The following PIM1 variants were observed in gnomAD, a reference collection of about 807,000 sequenced individuals.
The protein encoded by PIM1 is Pim-1 proto-oncogene, serine/threonine kinase.
In PIM1, 9 loss-of-function variants were observed where a neutral mutation model predicts 34.5. That is an observed-to-expected ratio of 0.26 (90% confidence interval 0.16 to 0.46). The LOEUF is 0.46. Among genes scored for constraint, PIM1 ranks in the 20% least tolerant of loss-of-function variants. The probability of loss-of-function intolerance (pLI) is 1.00; values close to 1 mark genes in which losing one functional copy is unlikely to be tolerated. For synonymous variants in PIM1, 199 were observed against 175.2 expected (o/e 1.14, Z -1.07); for missense variants, 274 against 410.9 (o/e 0.67, Z 2.88).
chr6:37,172,822 G>A, intron 4 of PIM1, 174 bp from the exon 5 acceptor site: 3 of 702,478 alleles, frequency 4.3e-6, no homozygotes, highest in Non-Finnish European at 7.8e-6. Context: ...TTGGAGAGAT[G>A]CCGTAAGGTG....
At chr6:37,171,610 A>T (rs1762287834) in intron 4 of PIM1, 119 bp downstream of exon 4, 1 of 1,278,774 alleles carries the variant, frequency 7.8e-7, no homozygotes, top group Admixed American at 2.8e-5. Context: ...GCCTGGCTCG[A>T]TGCTAGCCGG....
chr6:37,174,014 T>C lies in PIM1; in HGVS notation c.865T>C (p.Trp289Arg). ...CTTCGAAGAAATCCAGAACCATCCA[T>C]GGATGCAAGATGTTCTCCTGCCCCA... The part of the protein sequence containing the change: ...PTFEEIQNHP[W>R]MQDVLLPQET... Residue 289 changes from tryptophan to arginine, a missense_variant, in exon 6 of 6, where the codon TGG becomes CGG. Trp to Arg is a moderately radical substitution (Grantham distance 101). This residue lies in a region of PIM1 where 168 missense variants were observed against 299.4 expected (regional missense o/e 0.56). Coordinates refer to ENST00000373509, the MANE Select transcript of PIM1 (RefSeq NM_002648.4). 1 of 1,614,104 alleles carries C rather than the reference T, an allele frequency of 6.2e-7. No individual in the cohort carries two copies. Among genetic ancestry groups the C allele is most frequent in the Non-Finnish European group, 8.5e-7 (1 of 1,179,982 alleles).
intron 4 of PIM1, 83 bp from the exon 5 acceptor site, chr6:37,172,909 AAAAG>A (rs1227360217): frequency 9.4e-6 from 10 of 1,064,860 alleles, no homozygotes; most frequent in East Asian, 2.5e-5. Flanking sequence ...TTTTTTTTTT[AAAAG>A]AAAGAGTTAT....
In PIM1 at chr6:37,170,285, G is replaced by C; in HGVS notation, c.-291G>C. 7.2e-7 allele frequency: 1 copy of C among 1,391,604 alleles called. No homozygotes were observed. The highest frequency in any genetic ancestry group is 9.3e-7 in the Non-Finnish European group (1 of 1,074,100). The allele number at this position is 1,391,604 out of a possible 1,614,324, so 86.2% of individuals were successfully genotyped here. On this transcript the variant is annotated 5_prime_UTR_variant, in exon 1 of 6. Coordinates refer to ENST00000373509, the MANE Select transcript of PIM1 (RefSeq NM_002648.4). ...GCAGCAGCAGCAGCAGCAACCACTA[G>C]CCTCCTGCCCCGCGGCGCTGCCGCA...
At chr6:37,173,910 C>T (rs1762353432) in intron 5 of PIM1, 24 bp from the exon 6 acceptor site, 1 of 1,597,050 alleles carries the variant, frequency 6.3e-7, no homozygotes, top group South Asian at 1.1e-5. Context: ...TCATTCATAA[C>T]CTCGTCTATC....
At position 37,170,668 on chromosome 6, in the gene PIM1, C is replaced by A. The variant is rs199540029; in HGVS notation, c.82+11C>A. ...CCAAGCTGGCGCCCGGTGAGAGCAC[C>A]CCCCGCCTCCGGCCCGGGGATGCGG... On this transcript the variant is annotated intron_variant, in intron 1 of 5. Transcript: ENST00000373509. 3.1e-6 allele frequency: 5 copies of A among 1,609,278 alleles called. No homozygotes were observed. The highest frequency in any genetic ancestry group is 2.2e-5 in the East Asian group (1 of 44,684).
chr6:37,171,236 C>G lies in PIM1; in HGVS notation c.352C>G (p.Leu118Val). 1 of 1,614,088 alleles carries G rather than the reference C, an allele frequency of 6.2e-7. No individual in the cohort carries two copies. Among genetic ancestry groups the G allele is most frequent in the Non-Finnish European group, 8.5e-7 (1 of 1,180,042 alleles). ...DWFERPDSFV[L>V]ILERPEPVQD... Reference sequence around the variant, plus strand: ...GTTCGAGAGGCCCGACAGTTTCGTCCTGATCCTGGAGAGGCCCGAGCCGGT... The same window carrying G: ...GTTCGAGAGGCCCGACAGTTTCGTCGTGATCCTGGAGAGGCCCGAGCCGGT... Residue 118 changes from leucine to valine, a missense_variant, in exon 4 of 6, where the codon CTG becomes GTG. Transcript: ENST00000373509.
At position 37,171,160 on chromosome 6, in the gene PIM1, G is replaced by T. The variant is rs768533869; in HGVS notation, c.276G>T (p.Leu92=). 6.2e-7 allele frequency: 1 copy of T among 1,613,938 alleles called. No individual in the cohort carries two copies. Among genetic ancestry groups the T allele is most frequent in the African/African-American group, 1.3e-5 (1 of 74,948 alleles). The change falls in exon 4 of 6, where the codon CTG becomes CTT. Residue 92 remains leucine, a synonymous_variant. Transcript: ENST00000373509. ...CTCGAGTGCCCATGGAAGTGGTCCT[G>T]CTGAAGAAGGTGAGCTCGGGTTTCT... The part of the protein sequence containing the change: ...NGTRVPMEVV[L]LKKVSSGFSG...
In PIM1 at chr6:37,170,511, C is replaced by T. The variant is rs765334539; in HGVS notation, c.-65C>T. On this transcript the variant is annotated 5_prime_UTR_variant, in exon 1 of 6. Transcript: ENST00000373509. ...CCCAGGCATAGCCTTCGGCACAGCCCCGGCTCCGGCTCCTGCGGCAGCTCC... is the reference window on the plus strand; with the variant it reads ...CCCAGGCATAGCCTTCGGCACAGCCTCGGCTCCGGCTCCTGCGGCAGCTCC... 3.1e-6 allele frequency: 5 copies of T among 1,604,412 alleles called. No homozygotes were observed. The African/African-American group carries it at 6.7e-5, about 21-fold the overall frequency.
rs1353793659 is a variant in PIM1 at position 37,175,117 on chromosome 6, CTGTT to C, written c.*1030_*1033del. 4.3e-6 allele frequency: 1 copy of C among 233,456 alleles called. No homozygotes were observed. Among genetic ancestry groups the C allele is most frequent in the East Asian group, 6.0e-5 (1 of 16,604 alleles). The allele number at this position is 233,456 out of a possible 1,614,324, so 14.5% of individuals were successfully genotyped here. The stretch of plus-strand genomic sequence containing the variant: ...TTGGGGGAGGGCTGCGACGCTTGCT[CTGTT>C]TGTGGGGTGACGGGACTCAGGCGGG... On this transcript the variant is annotated 3_prime_UTR_variant, in exon 6 of 6. Transcript: ENST00000373509.
Position 37,175,029 on chromosome 6 carries a change from C to T in PIM1, c.*938C>T, listed in dbSNP as rs144025611. ...TATTTATTTGGTTCCCTTCCTATTC[C>T]AAGCTTCCATAGCTGCTGCCCTAGT... is the stretch of plus-strand genomic sequence containing the variant. On this transcript the variant is annotated 3_prime_UTR_variant, in exon 6 of 6. Coordinates refer to ENST00000373509, the MANE Select transcript of PIM1 (RefSeq NM_002648.4). 96 of 233,512 alleles carry T rather than the reference C, an allele frequency of 4.1e-4. No individual in the cohort carries two copies. Among genetic ancestry groups the T allele is most frequent in the African/African-American group, 2.1e-3 (94 of 45,424 alleles). The allele number at this position is 233,512 out of a possible 1,614,324, so 14.5% of individuals were successfully genotyped here.
rs762249073 is a variant in PIM1 at position 37,171,363 on chromosome 6, A to G, written c.479A>G (p.Asn160Ser). 3.7e-6 allele frequency: 6 copies of G among 1,614,008 alleles called. No individual in the cohort carries two copies. In the Admixed American group the frequency reaches 8.3e-5, roughly 22 times the overall value. The part of the protein sequence containing the change: ...QVLEAVRHCH[N>S]CGVLHRDIKD... Reference sequence around the variant, plus strand: ...CTGGAGGCCGTGCGGCACTGCCACAACTGCGGGGTGCTCCACCGCGACATC... The same window carrying G: ...CTGGAGGCCGTGCGGCACTGCCACAGCTGCGGGGTGCTCCACCGCGACATC... Residue 160 changes from asparagine to serine, a missense_variant, in exon 4 of 6, where the codon AAC (asparagine) becomes AGC (serine). By Grantham distance (46) the Asn-to-Ser change is conservative (BLOSUM62 1). Coordinates refer to ENST00000373509, the MANE Select transcript of PIM1 (RefSeq NM_002648.4).
At chr6:37,172,797 G>T in intron 4 of PIM1, 199 bp from the exon 5 acceptor site, 1 of 688,150 alleles carries the variant, frequency 1.5e-6, no homozygotes, top group Non-Finnish European at 2.7e-6. Context: ...GCAGAGAGGT[G>T]GGTAATGCTT....
Position 37,170,305 on chromosome 6 carries a change from G to A in PIM1, c.-271G>A. On this transcript the variant is annotated 5_prime_UTR_variant, in exon 1 of 6. Coordinates refer to ENST00000373509, the MANE Select transcript of PIM1 (RefSeq NM_002648.4). ...CACTAGCCTCCTGCCCCGCGGCGCTGCCGCACGAGCCCCACGAGCCGCTCA... is the reference window on the plus strand; with the variant it reads ...CACTAGCCTCCTGCCCCGCGGCGCTACCGCACGAGCCCCACGAGCCGCTCA... 6.9e-7 allele frequency: 1 copy of A among 1,440,376 alleles called. No homozygotes were observed. The highest frequency in any genetic ancestry group is 9.1e-7 in the Non-Finnish European group (1 of 1,102,090). The allele number at this position is 1,440,376 out of a possible 1,614,324, so 89.2% of individuals were successfully genotyped here.
rs770666508 is a variant in PIM1 at position 37,170,885 on chromosome 6, TGGGCGCCCCGCGGTGGGGA to T, written c.189+13_189+31del. ...GCGTCTCCGACAACTTGCCGGTGAG[TGGGCGCCCCGCGGTGGGGA>T]GGGCGCGCCGGGCGGGGGGCGCACG... On this transcript the variant is annotated splice_region_variant and intron_variant, in intron 2 of 5. Coordinates refer to ENST00000373509, the MANE Select transcript of PIM1 (RefSeq NM_002648.4). 8 of 1,611,946 alleles carry T rather than the reference TGGGCGCCCCGCGGTGGGGA, an allele frequency of 5.0e-6. No homozygotes were observed. The highest frequency in any genetic ancestry group is 5.9e-6 in the Non-Finnish European group (7 of 1,179,040).
chr6:37,173,882 G>A, intron 5 of PIM1, 52 bp from the exon 6 acceptor site: 1 of 1,549,712 alleles, frequency 6.5e-7, no homozygotes, highest in Non-Finnish European at 8.8e-7. Flanking sequence ...GACCTTTGCA[G>A]TGTAAAAACA....
rs1306974599 is a variant in PIM1 at position 37,174,052 on chromosome 6, G to C, written c.903G>C (p.Glu301Asp). The C allele has an allele frequency of 1.4e-5, 23 of 1,613,934 alleles. No homozygotes were observed. The highest frequency in any genetic ancestry group is 1.9e-5 in the Non-Finnish European group (23 of 1,179,994). The change falls in exon 6 of 6, where the codon GAG (glutamate) becomes GAC (aspartate). Residue 301 changes from glutamate (E) to aspartate (D), a missense_variant. Glu to Asp is a conservative substitution (Grantham distance 45). Coordinates refer to ENST00000373509, the MANE Select transcript of PIM1 (RefSeq NM_002648.4). ...TTCTCCTGCCCCAGGAAACTGCTGA[G>C]ATCCACCTCCACAGCCTGTCGCCGG... ...QDVLLPQETA[E>D]IHLHSLSPGP...
chr6:37,171,410 G>A lies in PIM1; in HGVS notation c.526G>A (p.Asp176Asn), dbSNP rs1201030656. ...RDIKDENILI[D>N]LNRGELKLID... is the part of the protein sequence containing the mutation. The stretch of plus-strand genomic sequence containing the variant: ...CATCAAGGACGAAAACATCCTTATC[G>A]ACCTCAATCGCGGCGAGCTCAAGCT... Residue 176 changes from aspartate to asparagine, a missense_variant, in exon 4 of 6, where the codon GAC becomes AAC. By Grantham distance (23) the Asp-to-Asn change is conservative. Around this residue, in one of 2 missense-constraint regions of PIM1, gnomAD observed 168 missense variants for 299.4 expected, o/e 0.56. Coordinates refer to ENST00000373509, the MANE Select transcript of PIM1 (RefSeq NM_002648.4). 5 of 1,614,038 alleles carry A rather than the reference G, an allele frequency of 3.1e-6. No homozygotes were observed. Among genetic ancestry groups the A allele is most frequent in the Non-Finnish European group, 4.2e-6 (5 of 1,180,044 alleles).
In PIM1 at chr6:37,170,370, C is replaced by T. The variant is rs1256669989; in HGVS notation, c.-206C>T. ...GCGCTGCCCGACCCCGCTGGCGCGC[C>T]CTCCCGCCGCCAGTCCCGGCAGCGC... is the stretch of plus-strand genomic sequence containing the variant. On this transcript the variant is annotated 5_prime_UTR_variant, in exon 1 of 6. Transcript: ENST00000373509. 1 of 1,521,364 alleles carries T rather than the reference C, an allele frequency of 6.6e-7. No homozygotes were observed. The highest frequency in any genetic ancestry group is 8.8e-7 in the Non-Finnish European group (1 of 1,140,594). The allele number at this position is 1,521,364 out of a possible 1,614,324, so 94.2% of individuals were successfully genotyped here. A position where few individuals can be genotyped will look rare whatever the true frequency, so the allele number is the denominator to read the frequency against.
Sources: gnomAD v4.1 joint callset for allele counts on GRCh38, gnomAD v4.1.1 for gene constraint, gnomAD v4.1.1 regional missense constraint, MANE v1.5 for transcripts, NCBI Gene and HGNC (gene_info 2026-07-23, HGNC 2026-07-21) for gene names.